The following CTNNA2 variants were observed in gnomAD, a reference collection of about 807,000 sequenced individuals.
CTNNA2 encodes the protein catenin alpha 2, also known as catenin alpha-2.
In CTNNA2, 42 loss-of-function variants were observed where a neutral mutation model predicts 101.0. The observed-to-expected ratio is 0.42, with a 90% confidence interval of 0.32 to 0.54. The LOEUF (loss-of-function observed/expected upper bound fraction) is 0.54, where lower values mean the gene tolerates loss of function less well. Ranked by LOEUF, CTNNA2 falls within the 20% of genes least tolerant of loss-of-function variation. The pLI is 0.14. For synonymous variants in CTNNA2, 450 were observed against 456.4 expected, an observed-to-expected ratio of 0.99 and a Z score of 0.18; for missense variants, 871 against 1,223.1, an observed-to-expected ratio of 0.71 and a Z score of 4.29.
At chr2:79,234,286 C>A (rs927303866) in intron 2 of CTNNA2, among the ~76,000 whole-genome samples, 15 of 151,934 alleles carry the variant, frequency 9.9e-5, no homozygotes, top group African/African-American at 3.4e-4. Flanking sequence ...ATTTCTCTTT[C>A]TCTTATGAAG....
intron 3 of CTNNA2, among the ~76,000 whole-genome samples, chr2:79,749,926 T>C (rs1309709734): frequency 6.6e-6 from 1 of 152,234 alleles, no homozygotes; most frequent in African/African-American, 2.4e-5. Flanking sequence ...TTTTGATTAG[T>C]GAGCAAGTCC....
intron 2 of CTNNA2, among the ~76,000 whole-genome samples, chr2:79,254,855 G>A (rs76540304): frequency 1.3e-4 from 20 of 152,212 alleles, no homozygotes; most frequent in East Asian, 3.9e-4. Flanking sequence ...AGTGCCTAGC[G>A]CCCACAAATA....
chr2:79,436,235 G>T (rs1201312848), intron 4 of CTNNA2, among the ~76,000 whole-genome samples: 1 of 152,064 alleles, frequency 6.6e-6, no homozygotes, highest in African/African-American at 2.4e-5. Flanking sequence ...AGCCTTAGTG[G>T]ATCATCAAAC....
intron 4 of CTNNA2, among the ~76,000 whole-genome samples, chr2:79,401,529 A>G (rs996558039): frequency 2.6e-5 from 4 of 151,598 alleles, no homozygotes. Flanking sequence ...TTAAGTTTTT[A>G]TTAGTCTAAA....
intron 7 of CTNNA2, among the ~76,000 whole-genome samples, chr2:79,930,094 G>A (rs12477892): frequency 0.11 from 16,746 of 151,662 alleles, 1,217 homozygotes; most frequent in East Asian, 0.26. Context: ...AAAATTAGCC[G>A]GGTGTGGTGG....
intron 3 of CTNNA2, among the ~76,000 whole-genome samples, chr2:79,343,389 CA>C (rs1677182970): frequency 6.6e-6 from 1 of 152,130 alleles, no homozygotes; most frequent in Non-Finnish European, 1.5e-5. Flanking sequence ...ATCCATTTTG[CA>C]GAGCAATTCT....
chr2:80,435,999 T>G (rs1362089800), intron 9 of CTNNA2, among the ~76,000 whole-genome samples: 1 of 152,218 alleles, frequency 6.6e-6, no homozygotes, highest in East Asian at 1.9e-4. Context: ...CTTAATTTTT[T>G]AAATGAAAAG....
At chr2:79,483,730 GC>G (rs1161391313) in intron 4 of CTNNA2, among the ~76,000 whole-genome samples, 1 of 152,176 alleles carries the variant, frequency 6.6e-6, no homozygotes, top group Admixed American at 6.5e-5. Flanking sequence ...TGCTGCGAAT[GC>G]TATTATTTCA....
At chr2:79,530,206 A>G (rs72921174) in intron 1 of CTNNA2, among the ~76,000 whole-genome samples, 31,371 of 152,074 alleles carry the variant, frequency 0.21, 3,518 homozygotes, top group Middle Eastern at 0.34. Context: ...CGTGGGTAAC[A>G]TTTTACAAAT....
chr2:80,209,350 C>T (rs1157965330), intron 7 of CTNNA2, among the ~76,000 whole-genome samples: 3 of 151,790 alleles, frequency 2.0e-5, no homozygotes, highest in Admixed American at 6.6e-5. Context: ...TACAGGTGCA[C>T]GCCACCACAC....
chr2:80,067,239 AAAAT>A (rs1698046776), intron 7 of CTNNA2, among the ~76,000 whole-genome samples: 1 of 152,192 alleles, frequency 6.6e-6, no homozygotes, highest in African/African-American at 2.4e-5. Flanking sequence ...GCATCACAAA[AAAAT>A]GAAAAGTATG....
chr2:79,929,306 TA>T (rs1687230816), intron 7 of CTNNA2, among the ~76,000 whole-genome samples: 1 of 152,148 alleles, frequency 6.6e-6, no homozygotes, highest in African/African-American at 2.4e-5. Flanking sequence ...ATGTTTTGAT[TA>T]GAAAAAGATA....
rs567046326 is a variant in CTNNA2 at position 79,674,057 on chromosome 2, CACTGTTT to C, written c.102+22404_102+22410del. 2.6e-3 allele frequency among the ~76,000 whole-genome samples: 403 copies of C among 152,288 alleles called. 1 individual carries two copies. Among genetic ancestry groups the C allele is most frequent in the African/African-American group, 9.3e-3 (385 of 41,544 alleles). ...GCTCATTTAAATGCAGGTTCCAGGT[CACTGTTT>C]ACTGAATTTCTGATTCAGTAGGTCT... is the stretch of plus-strand genomic sequence containing the variant. On this transcript the variant is annotated intron_variant, in intron 2 of 18. Transcript: ENST00000402739.
At chr2:79,326,006 G>A (rs968348292) in intron 3 of CTNNA2, among the ~76,000 whole-genome samples, 2 of 152,136 alleles carry the variant, frequency 1.3e-5, no homozygotes, top group African/African-American at 2.4e-5. Flanking sequence ...AGAGGTGGAC[G>A]TTTATGATGA....
intron 7 of CTNNA2, among the ~76,000 whole-genome samples, chr2:80,342,112 G>C (rs1415912491): frequency 6.6e-6 from 1 of 152,152 alleles, no homozygotes. Flanking sequence ...TGGAGGAAAG[G>C]GTAGAGGGAA....
intron 7 of CTNNA2, among the ~76,000 whole-genome samples, chr2:80,294,986 A>G (rs1029314822): frequency 3.3e-5 from 5 of 152,204 alleles, no homozygotes; most frequent in Admixed American, 6.5e-5. Context: ...TGAGTAGCAT[A>G]AAACACAGAT....
intron 1 of CTNNA2, among the ~76,000 whole-genome samples, chr2:79,533,890 T>C (rs6547243): frequency 0.47 from 71,321 of 151,878 alleles, 17,202 homozygotes; most frequent in East Asian, 0.61. Flanking sequence ...TGGCACAAAA[T>C]CTCTCTACCA....
At position 80,076,175 on chromosome 2, in the gene CTNNA2, G is replaced by C. The variant is rs914923047; in HGVS notation, c.1056+166378G>C. ...CAAGTATTCATTGAAGGCCTCTTCGGTGTTTAGCCTTGTGCCGGGTCTAGG... is the reference window on the plus strand; with the variant it reads ...CAAGTATTCATTGAAGGCCTCTTCGCTGTTTAGCCTTGTGCCGGGTCTAGG... On this transcript the variant is annotated intron_variant, in intron 7 of 18. Coordinates refer to ENST00000402739, the MANE Select transcript of CTNNA2 (RefSeq NM_001282597.3). Among the ~76,000 whole-genome samples the C allele has an allele frequency of 3.3e-5, 5 of 152,216 alleles. No homozygotes were observed. In the East Asian group the frequency reaches 9.7e-4, roughly 29 times the overall value.
intron 7 of CTNNA2, among the ~76,000 whole-genome samples, chr2:80,247,698 G>A (rs1671434499): frequency 6.6e-6 from 1 of 151,670 alleles, no homozygotes; most frequent in South Asian, 2.1e-4. Flanking sequence ...TCTTTCTTGG[G>A]TTGTTTACGT....
Sources: gnomAD v4.1 joint callset for allele counts (sites outside exome capture counted in the v4.1 genomes callset) on GRCh38, gnomAD v4.1.1 for gene constraint, MANE v1.5 for transcripts, NCBI Gene and HGNC (gene_info 2026-07-23, HGNC 2026-07-21) for gene names.